Variants in CERS6 observed in about 807,000 individuals in gnomAD.
CERS6 encodes LAG1 homolog, ceramide synthase 6.
A neutral mutation model predicts 56.8 loss-of-function variants in CERS6; 26 were observed. That is an observed-to-expected ratio of 0.46 (90% CI 0.34 to 0.63). The LOEUF is 0.63. Among genes scored for constraint, CERS6 ranks in the 30% least tolerant of loss-of-function variants. The pLI is 0.01. For synonymous variants in CERS6, 164 were observed against 173.3 expected (o/e 0.95, Z 0.42); for missense variants, 415 against 467.5 (o/e 0.89, Z 1.04).
Position 168,769,499 on chromosome 2 carries a change from C to T in CERS6, c.1003-11C>T, listed in dbSNP as rs200798086. On this transcript the variant is annotated splice_polypyrimidine_tract_variant and intron_variant, in intron 9 of 9. Coordinates refer to ENST00000305747, the MANE Select transcript of CERS6 (RefSeq NM_203463.3). ...AGGTGCTGGTTATACTCACCTGCTT[C>T]TACTCCACAGGTGTCCAAGGATGAT... The T allele has an allele frequency of 6.4e-7, 1 of 1,573,198 alleles. No homozygotes were observed. The highest frequency in any genetic ancestry group is 2.3e-5 in the East Asian group (1 of 43,206).
intron 2 of CERS6, among the ~76,000 whole-genome samples, chr2:168,560,353 A>G (rs2105381184): frequency 6.6e-6 from 1 of 152,326 alleles, no homozygotes; most frequent in South Asian, 2.1e-4. Context: ...ATTAACATTT[A>G]CTGAGTTGTA....
chr2:168,667,582 A>G (rs1481979469), intron 4 of CERS6, among the ~76,000 whole-genome samples: 3 of 151,616 alleles, frequency 2.0e-5, no homozygotes, highest in Non-Finnish European at 2.9e-5. Context: ...CTTTTTTTCT[A>G]TCTTTTTTTT....
chr2:168,598,655 C>A (rs747715159), intron 3 of CERS6, among the ~76,000 whole-genome samples: 2 of 152,018 alleles, frequency 1.3e-5, no homozygotes, highest in Non-Finnish European at 2.9e-5. Flanking sequence ...GTCCCAATTC[C>A]CCAACCAGTA....
chr2:168,704,486 C>T (rs567007470), intron 6 of CERS6, among the ~76,000 whole-genome samples: 4 of 152,122 alleles, frequency 2.6e-5, no homozygotes, highest in Non-Finnish European at 4.4e-5. Context: ...TCCCTGAAGT[C>T]GTGAACTCCT....
chr2:168,595,762 A>G (rs530788041), intron 3 of CERS6, among the ~76,000 whole-genome samples: 93 of 152,352 alleles, frequency 6.1e-4, no homozygotes, highest in Non-Finnish European at 1.1e-3. Context: ...ACTCACATGA[A>G]TATTGCCTTA....
intron 4 of CERS6, among the ~76,000 whole-genome samples, chr2:168,671,441 AT>A (rs1685915199): frequency 1.3e-5 from 2 of 152,180 alleles, no homozygotes; most frequent in African/African-American, 4.8e-5. Flanking sequence ...GGAGCTTGTT[AT>A]AGATGCCAAT....
intron 1 of CERS6, among the ~76,000 whole-genome samples, chr2:168,507,220 G>A (rs1694694482): frequency 3.3e-5 from 5 of 152,074 alleles, no homozygotes; most frequent in Non-Finnish European, 2.9e-5. Flanking sequence ...ATAAGCATTG[G>A]TACATCACTG....
At chr2:168,525,538 C>G in intron 1 of CERS6, among the ~76,000 whole-genome samples, 1 of 152,172 alleles carries the variant, frequency 6.6e-6, no homozygotes, top group Non-Finnish European at 1.5e-5. Context: ...GGTCACAATT[C>G]TTGTAATGGG....
rs1002744649 is a variant in CERS6 at position 168,745,281 on chromosome 2, A to G, written c.846-20311A>G. Among the ~76,000 whole-genome samples the G allele has an allele frequency of 1.0e-3, 153 of 150,640 alleles. 1 individual carries two copies. Among genetic ancestry groups the G allele is most frequent in the African/African-American group, 3.2e-3 (132 of 41,002 alleles). On this transcript the variant is annotated intron_variant, in intron 8 of 9. Coordinates refer to ENST00000305747, the MANE Select transcript of CERS6 (RefSeq NM_203463.3). ...TTTTTAGACGGAGTCTTGCTCTGTCACCCAGGCTAGAGTGCAGTGGCACAG... is the reference window on the plus strand; with the variant it reads ...TTTTTAGACGGAGTCTTGCTCTGTCGCCCAGGCTAGAGTGCAGTGGCACAG...
chr2:168,655,382 A>G (rs541021238), intron 4 of CERS6, among the ~76,000 whole-genome samples: 1 of 152,352 alleles, frequency 6.6e-6, no homozygotes, highest in East Asian at 1.9e-4. Flanking sequence ...TTCTAGGTAT[A>G]TATCCAAAGT....
intron 5 of CERS6, among the ~76,000 whole-genome samples, chr2:168,692,917 A>G (rs1426724388): frequency 6.6e-6 from 1 of 152,200 alleles, no homozygotes; most frequent in Admixed American, 6.6e-5. Context: ...AGACATATTT[A>G]TGGTATCTTT....
intron 4 of CERS6, among the ~76,000 whole-genome samples, chr2:168,666,440 A>T (rs1685764567): frequency 6.6e-6 from 1 of 152,102 alleles, no homozygotes. Flanking sequence ...GGCCTCTTTC[A>T]CTTAGTAGTA....
intron 3 of CERS6, among the ~76,000 whole-genome samples, chr2:168,570,716 G>C (rs188880560): frequency 1.1e-4 from 17 of 152,202 alleles, no homozygotes; most frequent in African/African-American, 4.1e-4. Flanking sequence ...GAATCTACCT[G>C]GTTCATGGTC....
chr2:168,716,466 T>G (rs1243805346), intron 7 of CERS6, among the ~76,000 whole-genome samples: 1 of 152,012 alleles, frequency 6.6e-6, no homozygotes, highest in Non-Finnish European at 1.5e-5. Flanking sequence ...TCCACTTGTA[T>G]CCAGAAAAAA....
intron 4 of CERS6, among the ~76,000 whole-genome samples, chr2:168,647,500 T>G (rs1490940106): frequency 6.6e-6 from 1 of 152,192 alleles, no homozygotes; most frequent in East Asian, 1.9e-4. Context: ...TTTGGATGCC[T>G]TTTATTTATT....
intron 1 of CERS6, among the ~76,000 whole-genome samples, chr2:168,494,121 T>C (rs528109926): frequency 6.6e-6 from 1 of 152,324 alleles, no homozygotes; most frequent in African/African-American, 2.4e-5. Flanking sequence ...CTTGTGTTTG[T>C]GCAGCTGCCC....
chr2:168,487,586 C>A (rs925840711), intron 1 of CERS6, among the ~76,000 whole-genome samples: 3 of 152,148 alleles, frequency 2.0e-5, no homozygotes, highest in African/African-American at 7.2e-5. Flanking sequence ...TACTGTATAA[C>A]CTTATGCTTA....
Position 168,765,917 on chromosome 2 carries a change from G to A in CERS6, c.1002+169G>A, listed in dbSNP as rs115203573. On this transcript the variant is annotated intron_variant, in intron 9 of 9. Coordinates refer to ENST00000305747, the MANE Select transcript of CERS6 (RefSeq NM_203463.3). ...CTAGTTCATTTTTTAAGTCTTCAGT[G>A]TTCCTTTGCTGGCGATGGCACCCAA... Among the ~76,000 whole-genome samples, 1,138 of 152,144 alleles carry A rather than the reference G, an allele frequency of 7.5e-3. 11 individuals carry two copies. The highest frequency in any genetic ancestry group is 0.051 in the Middle Eastern group (15 of 294).
At chr2:168,547,494 C>T in intron 1 of CERS6, 102 bp from the exon 2 acceptor site, 1 of 620,494 alleles carries the variant, frequency 1.6e-6, no homozygotes, top group South Asian at 1.9e-5. Context: ...ATCCTACCAA[C>T]ACTTTATTGG....
Sources: allele counts gnomAD v4.1 joint callset (sites outside exome capture counted in the v4.1 genomes callset), GRCh38; gene constraint gnomAD v4.1.1; transcripts MANE v1.5; gene names NCBI Gene and HGNC (gene_info 2026-07-23, HGNC 2026-07-21).